LEPR: variants seen among roughly 807,000 people sequenced by gnomAD.
LEPR encodes leptin receptor.
LEPR carries 56 observed loss-of-function variants against 114.7 expected under a neutral mutation model. That is an observed-to-expected ratio of 0.49 (90% CI 0.39 to 0.61). The LOEUF is 0.61. Ranked by LOEUF, LEPR falls within the 20% of genes least tolerant of loss-of-function variation. The probability of loss-of-function intolerance (pLI) is 0.00; values close to 1 mark genes in which losing one functional copy is unlikely to be tolerated. For synonymous variants in LEPR, 443 were observed against 461.4 expected (o/e 0.96, Z 0.51); for missense variants, 1,202 against 1,352.9 (o/e 0.89, Z 1.75).
intron 2 of LEPR, among the ~76,000 whole-genome samples, chr1:65,460,277 G>C (rs1382913381): frequency 6.6e-6 from 1 of 152,164 alleles, no homozygotes; most frequent in Non-Finnish European, 1.5e-5. Flanking sequence ...AACACAGCTA[G>C]CAAGTGCCAG....
chr1:65,483,833 A>G (rs1178186975), intron 2 of LEPR, among the ~76,000 whole-genome samples: 1 of 151,802 alleles, frequency 6.6e-6, no homozygotes, highest in Admixed American at 6.6e-5. Flanking sequence ...TGATAATTTT[A>G]TCTGAAAAGT....
At chr1:65,458,133 C>A (rs745455304) in intron 2 of LEPR, among the ~76,000 whole-genome samples, 3 of 152,202 alleles carry the variant, frequency 2.0e-5, no homozygotes, top group Non-Finnish European at 4.4e-5. Flanking sequence ...TAGATGAAAA[C>A]ATTTTTGAAC....
At chr1:65,484,811 C>G (rs1456073581) in intron 2 of LEPR, among the ~76,000 whole-genome samples, 1 of 152,124 alleles carries the variant, frequency 6.6e-6, no homozygotes, top group Non-Finnish European at 1.5e-5. Context: ...TCAGATGCAT[C>G]CTTCAATATG....
chr1:65,433,578 C>A (rs1646517761), intron 2 of LEPR: 1 of 985,228 alleles, frequency 1.0e-6, no homozygotes, highest in African/African-American at 1.7e-5. Flanking sequence ...GATGCTGGGA[C>A]TGGAAAATAG....
In LEPR at chr1:65,435,280, G is replaced by A. The variant is rs922553991; in HGVS notation, c.-21+9902G>A. ...TCTCCTCAATGAATACTGTTTTCAA[G>A]GCTGAAATAGTTCATTATGTTAATA... On this transcript the variant is annotated intron_variant, in intron 2 of 19. Transcript: ENST00000349533. The A allele has an allele frequency of 1.7e-5, 17 of 984,846 alleles. No individual in the cohort carries two copies. The African/African-American group carries it at 2.4e-4, about 14-fold the overall frequency. The allele number at this position is 984,846 out of a possible 1,614,324, so 61.0% of individuals were successfully genotyped here. A position where few individuals can be genotyped will look rare whatever the true frequency, so the allele number is the denominator to read the frequency against.
chr1:65,621,364 A>T lies in LEPR; in HGVS notation c.2503A>T (p.Lys835Ter). The T allele has an allele frequency of 6.2e-7, 1 of 1,613,170 alleles. No homozygotes were observed. The highest frequency in any genetic ancestry group is 8.5e-7 in the Non-Finnish European group (1 of 1,179,474). The change falls in exon 18 of 20, where the codon AAA (lysine) becomes TAA (stop). Residue 835 changes from lysine (K) to a stop codon, truncating the protein, a stop_gained. Transcript: ENST00000349533. LOFTEE classifies it high-confidence loss of function. Reference protein sequence around the residue: ...INSFTQDDIEKHQSDAGLYVI... With the variant: ...INSFTQDDIE ...TATTTCTTTTTCAGATGATATTGAA[A>T]AACACCAGAGTGATGCAGGTTTATA...
At chr1:65,525,000 C>T (rs764590141) in intron 2 of LEPR, among the ~76,000 whole-genome samples, 5 of 152,106 alleles carry the variant, frequency 3.3e-5, no homozygotes, top group Non-Finnish European at 7.4e-5. Context: ...AATTTTGCTA[C>T]GTCAAACATC....
chr1:65,434,720 C>T (rs1646535114), intron 2 of LEPR: 1 of 985,400 alleles, frequency 1.0e-6, no homozygotes, highest in Non-Finnish European at 1.2e-6. Flanking sequence ...CTCCTAATGC[C>T]CTTGAGATCC....
intron 19 of LEPR, chr1:65,626,269 G>A: frequency 2.3e-6 from 3 of 1,324,436 alleles, no homozygotes; most frequent in Non-Finnish European, 2.9e-6. Context: ...TTATATACAA[G>A]TAGATTGAAA....
At chr1:65,612,930 T>G (rs1007790772) in intron 14 of LEPR, among the ~76,000 whole-genome samples, 8 of 151,804 alleles carry the variant, frequency 5.3e-5, no homozygotes, top group African/African-American at 1.9e-4. Context: ...GCTGAGGTAG[T>G]GTTGTCTGGC....
intron 2 of LEPR, among the ~76,000 whole-genome samples, chr1:65,516,293 G>A (rs960514716): frequency 6.6e-6 from 1 of 151,900 alleles, no homozygotes; most frequent in African/African-American, 2.4e-5. Context: ...AAATTAGCCG[G>A]ATTAGCCCGG....
chr1:65,502,784 G>T (rs1570570674), intron 2 of LEPR, among the ~76,000 whole-genome samples: 1 of 151,926 alleles, frequency 6.6e-6, no homozygotes, highest in South Asian at 2.1e-4. Context: ...CCTGATTTGG[G>T]ATTGTGTCTG....
At chr1:65,519,175 G>T (rs75225944) in intron 2 of LEPR, among the ~76,000 whole-genome samples, 2 of 131,800 alleles carry the variant, frequency 1.5e-5, no homozygotes, top group East Asian at 4.4e-4. Flanking sequence ...CTTCCTTCCG[G>T]GTCTCATTTT....
At chr1:65,624,613 T>C (rs1658088624) in intron 19 of LEPR, among the ~76,000 whole-genome samples, 1 of 152,178 alleles carries the variant, frequency 6.6e-6, no homozygotes, top group South Asian at 2.1e-4. Context: ...GATACAGATA[T>C]GCAAGACCGA....
intron 5 of LEPR, among the ~76,000 whole-genome samples, chr1:65,587,049 G>A (rs762253568): frequency 6.6e-5 from 10 of 151,962 alleles, no homozygotes; most frequent in South Asian, 2.1e-4. Flanking sequence ...TTTAGAAAAG[G>A]ATGGCTTTGG....
intron 2 of LEPR, among the ~76,000 whole-genome samples, chr1:65,558,275 C>G (rs867776634): frequency 1.3e-5 from 2 of 152,006 alleles, no homozygotes; most frequent in Admixed American, 1.3e-4. Context: ...TCCTAAAGAA[C>G]CATTGTGATA....
intron 19 of LEPR, chr1:65,635,166 G>C (rs1658673859): frequency 1.0e-6 from 1 of 955,044 alleles, no homozygotes; most frequent in East Asian, 1.2e-4. Flanking sequence ...TAATAAATCT[G>C]AATTCTATTA....
At chr1:65,435,408 C>G (rs1372093384) in intron 2 of LEPR, 1 of 815,936 alleles carries the variant, frequency 1.2e-6, no homozygotes, top group Non-Finnish European at 1.5e-6. Flanking sequence ...CGCTCTGTTG[C>G]CCAGGCTGGA....
chr1:65,504,596 A>C (rs569070001), intron 2 of LEPR, among the ~76,000 whole-genome samples: 2 of 152,340 alleles, frequency 1.3e-5, no homozygotes, highest in Admixed American at 1.3e-4. Flanking sequence ...AAAACTGTCA[A>C]GGCCATCAAA....
Sources: gnomAD v4.1 joint callset for allele counts (sites outside exome capture counted in the v4.1 genomes callset) on GRCh38, gnomAD v4.1.1 for gene constraint, MANE v1.5 for transcripts, NCBI Gene and HGNC (gene_info 2026-07-23, HGNC 2026-07-21) for gene names.